Variants in RDH10 observed in about 807,000 individuals in gnomAD.
The protein encoded by RDH10 is retinol dehydrogenase 10.
A neutral mutation model predicts 30.2 loss-of-function variants in RDH10; 12 were observed. The ratio of observed to expected loss-of-function variants is 0.40; its 90% CI spans 0.25 to 0.64. The LOEUF (loss-of-function observed/expected upper bound fraction) is 0.64. Ranked by LOEUF, RDH10 falls within the 30% of genes least tolerant of loss-of-function variation. The pLI, the probability that RDH10 is intolerant of heterozygous loss-of-function variation, is 0.43. For missense variants in RDH10, 268 were observed against 445.2 expected, an observed-to-expected ratio of 0.60 and a Z score of 3.58; for synonymous variants, 189 against 172.2, an observed-to-expected ratio of 1.10 and a Z score of -0.76.
chr8:73,314,683 G>A (rs1208609567), intron 2 of RDH10, among the ~76,000 whole-genome samples: 2 of 152,196 alleles, frequency 1.3e-5, no homozygotes, highest in Non-Finnish European at 2.9e-5. Context: ...AGGCTGATTA[G>A]CGGCCCTGGA....
Position 73,294,811 on chromosome 8 carries a change from G to A in RDH10, c.-479G>A. The stretch of plus-strand genomic sequence containing the variant: ...CACTCTCCCACCCTCTCGCAACTTG[G>A]GTCGAGTTGACAACTCCCGCGGCAG... On this transcript the variant is annotated 5_prime_UTR_variant, in exon 1 of 6. Transcript: ENST00000240285. 1 of 377,886 alleles carries A rather than the reference G, an allele frequency of 2.6e-6. No individual in the cohort carries two copies. 23.4% of individuals were successfully genotyped at this position (377,886 alleles called of 1,614,324 possible). A position where few individuals can be genotyped will look rare whatever the true frequency, so the allele number is the denominator to read the frequency against.
chr8:73,318,938 C>T (rs1352833391), intron 2 of RDH10, among the ~76,000 whole-genome samples, 158 bp from the exon 3 acceptor site: 2 of 152,186 alleles, frequency 1.3e-5, no homozygotes, highest in African/African-American at 4.8e-5. Context: ...CTAAGTTAGC[C>T]AGACACTTAA....
At chr8:73,322,644 A>G (rs1266319101) in intron 4 of RDH10, 35 bp from the exon 5 acceptor site, 1 of 1,560,508 alleles carries the variant, frequency 6.4e-7, no homozygotes, top group Admixed American at 1.7e-5. Context: ...TATTGTGTTA[A>G]TTTTTCATTT....
Position 73,320,928 on chromosome 8 carries a change from T to A in RDH10, c.625-4T>A, listed in dbSNP as rs1231161550. The A allele has an allele frequency of 6.2e-7, 1 of 1,614,026 alleles. No individual in the cohort carries two copies. Among genetic ancestry groups the A allele is most frequent in the Non-Finnish European group, 8.5e-7 (1 of 1,179,908 alleles). On this transcript the variant is annotated splice_region_variant and splice_polypyrimidine_tract_variant and intron_variant, in intron 3 of 5. Coordinates refer to ENST00000240285, the MANE Select transcript of RDH10 (RefSeq NM_172037.5). Reference sequence around the variant, plus strand: ...ATTTCTGCTTTCTCCCCTCTTTAACTCAGGATTACTGTGCCAGTAAATTTG... The same window carrying A: ...ATTTCTGCTTTCTCCCCTCTTTAACACAGGATTACTGTGCCAGTAAATTTG...
At position 73,295,063 on chromosome 8, in the gene RDH10, G is replaced by A. The variant is rs1488558385; in HGVS notation, c.-227G>A. 6.0e-5 allele frequency: 20 copies of A among 332,312 alleles called. 1 individual carries two copies. The East Asian group carries it at 8.0e-4, about 13-fold the overall frequency. The allele number at this position is 332,312 out of a possible 1,614,324, so 20.6% of individuals were successfully genotyped here. On this transcript the variant is annotated 5_prime_UTR_variant, in exon 1 of 6. Transcript: ENST00000240285. ...CGCCGAGCCGGGTGACTGCCGCGGC[G>A]GGCACAGTCCGGGGCCACAGCGCCG...
chr8:73,322,583 C>G, intron 4 of RDH10, 96 bp from the exon 5 acceptor site: 1 of 1,027,070 alleles, frequency 9.7e-7, no homozygotes, highest in Middle Eastern at 2.2e-4. Flanking sequence ...AAAATCCCAT[C>G]ACTCAGATAA....
At chr8:73,309,925 G>C (rs1814533813) in intron 2 of RDH10, among the ~76,000 whole-genome samples, 1 of 152,110 alleles carries the variant, frequency 6.6e-6, no homozygotes. Flanking sequence ...AAATTACCCA[G>C]CCCCAAATGT....
intron 2 of RDH10, among the ~76,000 whole-genome samples, chr8:73,306,486 G>C (rs2130364560): frequency 6.6e-6 from 1 of 152,216 alleles, no homozygotes; most frequent in South Asian, 2.1e-4. Context: ...AGCCACAGGG[G>C]GAAAAAATGA....
intron 2 of RDH10, among the ~76,000 whole-genome samples, chr8:73,305,709 A>G (rs979180164): frequency 3.3e-5 from 5 of 152,202 alleles, no homozygotes; most frequent in Admixed American, 2.0e-4. Context: ...CTGAAGTTCC[A>G]CTAGGGGGTG....
At chr8:73,320,638 A>T (rs1316761742) in intron 3 of RDH10, among the ~76,000 whole-genome samples, 4 of 151,772 alleles carry the variant, frequency 2.6e-5, no homozygotes, top group African/African-American at 9.7e-5. Context: ...TGCCCAGCTA[A>T]TTTTTGTATT....
chr8:73,320,036 A>G (rs1814737771), intron 3 of RDH10, among the ~76,000 whole-genome samples: 1 of 152,224 alleles, frequency 6.6e-6, no homozygotes, highest in African/African-American at 2.4e-5. Context: ...TGGGCCATGG[A>G]CAATAACTTT....
chr8:73,297,497 C>G lies in RDH10; in HGVS notation c.525+68C>G, dbSNP rs1814288451. On this transcript the variant is annotated intron_variant, in intron 2 of 5. Transcript: ENST00000240285. ...ATGAGAAGGTTGGGAAGGGGAGAGA[C>G]TTCAGTGCCAGCCTGAAAGCAACCT... 7.7e-6 allele frequency: 9 copies of G among 1,176,014 alleles called. No homozygotes were observed. In the Admixed American group the frequency reaches 1.4e-4, roughly 18 times the overall value. The allele number at this position is 1,176,014 out of a possible 1,614,324, so 72.8% of individuals were successfully genotyped here.
rs567932558 is a variant in RDH10 at position 73,315,343 on chromosome 8, G to A, written c.526-3753G>A. The A allele has an allele frequency of 2.6e-5, 5 of 194,764 alleles. No individual in the cohort carries two copies. The South Asian group carries it at 3.9e-4, about 15-fold the overall frequency. The allele number at this position is 194,764 out of a possible 1,614,324, so 12.1% of individuals were successfully genotyped here. A position where few individuals can be genotyped will look rare whatever the true frequency, so the allele number is the denominator to read the frequency against. On this transcript the variant is annotated intron_variant, in intron 2 of 5. Coordinates refer to ENST00000240285, the MANE Select transcript of RDH10 (RefSeq NM_172037.5). Reference sequence around the variant, plus strand: ...ACTCCTCTTCAGACAATTTGGGGGTGGGGGGAGGGTCCCACAGGTGGAAGT... The same window carrying A: ...ACTCCTCTTCAGACAATTTGGGGGTAGGGGGAGGGTCCCACAGGTGGAAGT...
chr8:73,304,390 C>T (rs1814433663), intron 2 of RDH10, among the ~76,000 whole-genome samples: 1 of 152,166 alleles, frequency 6.6e-6, no homozygotes, highest in Non-Finnish European at 1.5e-5. Flanking sequence ...GCCTCCATCA[C>T]CTCTTGCCTG....
chr8:73,306,769 C>T (rs1814472276), intron 2 of RDH10, among the ~76,000 whole-genome samples: 1 of 152,310 alleles, frequency 6.6e-6, no homozygotes, highest in South Asian at 2.1e-4. Flanking sequence ...TTACATGCTG[C>T]TTGCATAAAA....
intron 1 of RDH10, chr8:73,296,959 A>C (rs1395798780): frequency 4.1e-6 from 2 of 484,000 alleles, no homozygotes; most frequent in Non-Finnish European, 7.6e-6. Context: ...TCACAATTAC[A>C]TGACTTTCCC....
intron 2 of RDH10, among the ~76,000 whole-genome samples, chr8:73,303,230 G>A (rs1352889253): frequency 1.3e-5 from 2 of 152,192 alleles, no homozygotes; most frequent in South Asian, 2.1e-4. Flanking sequence ...AAAGACATTA[G>A]TGCTGCAGTT....
intron 2 of RDH10, among the ~76,000 whole-genome samples, chr8:73,308,883 C>T (rs1814508712): frequency 6.6e-6 from 1 of 152,158 alleles, no homozygotes; most frequent in South Asian, 2.1e-4. Context: ...TGGGAGTAGA[C>T]AGATTGCTCA....
chr8:73,306,379 TTTC>T (rs1255210353), intron 2 of RDH10, among the ~76,000 whole-genome samples: 2 of 152,288 alleles, frequency 1.3e-5, no homozygotes, highest in African/African-American at 4.8e-5. Context: ...TTGAATTTTT[TTTC>T]TTCTTTTTTA....
Sources: gnomAD v4.1 joint callset for allele counts (sites outside exome capture counted in the v4.1 genomes callset) on GRCh38, gnomAD v4.1.1 for gene constraint, MANE v1.5 for transcripts, NCBI Gene and HGNC (gene_info 2026-07-23, HGNC 2026-07-21) for gene names.